Variants in OTUD7B observed in about 807,000 individuals in gnomAD.
OTUD7B encodes OTU deubiquitinase 7B.
Under a neutral mutation model 82.2 loss-of-function variants are expected in OTUD7B, and 34 were observed. The observed-to-expected ratio is 0.41, with a 90% CI of 0.31 to 0.55. The LOEUF (loss-of-function observed/expected upper bound fraction) is 0.55, where lower values mean the gene tolerates loss of function less well. Ranked by LOEUF, OTUD7B falls within the 20% of genes least tolerant of loss-of-function variation. The pLI is 0.20. For missense variants in OTUD7B, 944 were observed against 1,062.1 expected (o/e 0.89, Z 1.55); for synonymous variants, 398 against 402.7 (o/e 0.99, Z 0.14).
chr1:149,956,389 T>A (rs1441823324), intron 7 of OTUD7B, among the ~76,000 whole-genome samples: 1 of 152,214 alleles, frequency 6.6e-6, no homozygotes, highest in Non-Finnish European at 1.5e-5. Flanking sequence ...TTGCAGAGTT[T>A]CTGCCGAGAG....
upstream of OTUD7B, among the ~76,000 whole-genome samples, chr1:150,012,956 T>C (rs1326007822): frequency 6.6e-6 from 1 of 152,200 alleles, no homozygotes; most frequent in Non-Finnish European, 1.5e-5. Flanking sequence ...TCCCTTCCCA[T>C]TCCTGTGTCT....
At chr1:149,989,736 T>A (rs1299024810) in intron 1 of OTUD7B, among the ~76,000 whole-genome samples, 1 of 102,968 alleles carries the variant, frequency 9.7e-6, no homozygotes, top group South Asian at 4.0e-4. Flanking sequence ...GAGACCCTGT[T>A]AAAAAAAAAA....
At chr1:150,000,405 G>T (rs587620061) in intron 1 of OTUD7B, among the ~76,000 whole-genome samples, 10 of 152,188 alleles carry the variant, frequency 6.6e-5, no homozygotes, top group Admixed American at 2.0e-4. Flanking sequence ...AACGCTGGAG[G>T]TAGATATTGC....
chr1:150,023,433 A>G, the OTUD7B span, among the ~76,000 whole-genome samples: 1 of 152,236 alleles, frequency 6.6e-6, no homozygotes. Context: ...TGTGGTATAT[A>G]TACACAGTGG....
Position 149,974,757 on chromosome 1 carries a change from C to T in OTUD7B, c.85+2669G>A, listed in dbSNP as rs587728181. Among the ~76,000 whole-genome samples, 6 of 151,928 alleles carry T rather than the reference C, an allele frequency of 3.9e-5. No homozygotes were observed. In the South Asian group the frequency reaches 1.2e-3, roughly 32 times the overall value. ...TAGAAACGGGGTTTCACCATGTTGG[C>T]CAGGCTGATCTCAAACTCCTGAACT... is the stretch of plus-strand genomic sequence containing the variant. On this transcript the variant is annotated intron_variant, in intron 2 of 11. Transcript: ENST00000581312.
rs192912160 is a variant in OTUD7B at position 149,988,597 on chromosome 1, G to T, written c.-66-11021C>A. ...GACTTGCAAAAGGGAAGTAATCTTTGGGAAAATGGGGGCAGGGAGAGTCAT... is the reference window on the plus strand; with the variant it reads ...GACTTGCAAAAGGGAAGTAATCTTTTGGAAAATGGGGGCAGGGAGAGTCAT... On this transcript the variant is annotated intron_variant, in intron 1 of 11. Coordinates refer to ENST00000581312, the MANE Select transcript of OTUD7B (RefSeq NM_020205.4). Among the ~76,000 whole-genome samples, 760 of 152,224 alleles carry T rather than the reference G, an allele frequency of 5.0e-3. 3 individuals are homozygous for T. The highest frequency in any genetic ancestry group is 0.018 in the African/African-American group (731 of 41,534).
the OTUD7B span, among the ~76,000 whole-genome samples, chr1:150,046,643 G>T: frequency 4.3e-3 from 640 of 149,470 alleles, 2 homozygotes; most frequent in Middle Eastern, 0.034. Context: ...TAGAGACGGG[G>T]TTCCACCATG....
chr1:149,990,297 G>A (rs1651471255), intron 1 of OTUD7B, among the ~76,000 whole-genome samples: 1 of 152,202 alleles, frequency 6.6e-6, no homozygotes, highest in East Asian at 1.9e-4. Flanking sequence ...CAAGACAGAA[G>A]TAAGATTCTT....
intron 5 of OTUD7B, among the ~76,000 whole-genome samples, chr1:149,964,959 G>A (rs587703321): frequency 3.7e-4 from 55 of 149,488 alleles, no homozygotes; most frequent in African/African-American, 1.2e-3. Flanking sequence ...GTGCGATCTC[G>A]GCTCACTCAC....
the OTUD7B span, among the ~76,000 whole-genome samples, chr1:150,036,099 C>T: frequency 1.3e-5 from 2 of 151,492 alleles, no homozygotes; most frequent in South Asian, 2.1e-4. Flanking sequence ...ACCACAGGCA[C>T]GTGCCACCAC....
At chr1:150,041,727 T>G in the OTUD7B span, among the ~76,000 whole-genome samples, 1 of 152,350 alleles carries the variant, frequency 6.6e-6, no homozygotes, top group South Asian at 2.1e-4. Context: ...TATCAAATAA[T>G]CAGATTTTTA....
the OTUD7B span, among the ~76,000 whole-genome samples, chr1:150,041,702 G>A: frequency 6.6e-6 from 1 of 152,044 alleles, no homozygotes; most frequent in African/African-American, 2.4e-5. Context: ...CCAAAGATTG[G>A]TCTGTTTTAT....
chr1:149,964,019 C>G, intron 6 of OTUD7B: 1 of 555,716 alleles, frequency 1.8e-6, no homozygotes, highest in Non-Finnish European at 3.2e-6. Flanking sequence ...CTCTGTAGGT[C>G]TCATGCCCAC....
chr1:150,023,027 T>C, the OTUD7B span, among the ~76,000 whole-genome samples: 1 of 152,098 alleles, frequency 6.6e-6, no homozygotes, highest in African/African-American at 2.4e-5. Context: ...CAGAAATCCC[T>C]CTCACCTGGT....
At chr1:149,953,926 T>A (rs1214291029) in intron 7 of OTUD7B, among the ~76,000 whole-genome samples, 5 of 152,224 alleles carry the variant, frequency 3.3e-5, no homozygotes, top group African/African-American at 1.2e-4. Flanking sequence ...AAGTTGCTTA[T>A]CAGCTTAAGG....
chr1:149,943,601 T>A lies in OTUD7B; in HGVS notation c.*256A>T. The A allele has an allele frequency of 2.2e-6, 1 of 446,144 alleles. No individual in the cohort carries two copies. Among genetic ancestry groups the A allele is most frequent in the Non-Finnish European group, 4.0e-6 (1 of 247,442 alleles). The allele number at this position is 446,144 out of a possible 1,614,324, so 27.6% of individuals were successfully genotyped here. On this transcript the variant is annotated 3_prime_UTR_variant, in exon 12 of 12. Transcript: ENST00000581312. ...AGGAGGTTATAAGACAGAATCGCCA[T>A]CTTTTCCCCTTGTACCTCAAACCTC...
In OTUD7B at chr1:149,944,127, G is replaced by A; in HGVS notation, c.2262C>T (p.His754=). ...DSIPSLEPGS[H]SKDGLHRGAL... ...CACCCCTGTGAAGTCCATCCTTAGAGTGGCTGCCTGGCTCCAGAGAAGGGA... is the reference window on the plus strand; with the variant it reads ...CACCCCTGTGAAGTCCATCCTTAGAATGGCTGCCTGGCTCCAGAGAAGGGA... The change falls in exon 12 of 12, where the codon CAC becomes CAT. Residue 754 remains histidine (H), a synonymous_variant. Coordinates refer to ENST00000581312, the MANE Select transcript of OTUD7B (RefSeq NM_020205.4). 5 of 1,614,104 alleles carry A rather than the reference G, an allele frequency of 3.1e-6. No individual in the cohort carries two copies. Among genetic ancestry groups the A allele is most frequent in the Non-Finnish European group, 4.2e-6 (5 of 1,179,990 alleles).
chr1:149,991,782 G>C (rs1040636428), intron 1 of OTUD7B, among the ~76,000 whole-genome samples: 3 of 152,076 alleles, frequency 2.0e-5, no homozygotes, highest in Non-Finnish European at 2.9e-5. Flanking sequence ...TTTTCCATGG[G>C]ATCTACTTTG....
chr1:149,968,688 A>C (rs782228723), intron 3 of OTUD7B, among the ~76,000 whole-genome samples: 8 of 152,108 alleles, frequency 5.3e-5, no homozygotes, highest in Non-Finnish European at 1.0e-4. Context: ...TAGTGATGTT[A>C]TTTTTCAAAT....
Sources: gnomAD v4.1 joint callset for allele counts (sites outside exome capture counted in the v4.1 genomes callset) on GRCh38, gnomAD v4.1.1 for gene constraint, MANE v1.5 for transcripts, NCBI Gene and HGNC (gene_info 2026-07-23, HGNC 2026-07-21) for gene names.